Variants in IFT80 observed in about 807,000 individuals in gnomAD.
IFT80 encodes intraflagellar transport 80.
IFT80 carries 79 observed loss-of-function variants against 107.9 expected under a neutral mutation model. The observed-to-expected ratio is 0.73, with a 90% CI of 0.61 to 0.88. The LOEUF (loss-of-function observed/expected upper bound fraction) is 0.88. Ranked by LOEUF, IFT80 falls within the 40% of genes least tolerant of loss-of-function variation. The probability of loss-of-function intolerance (pLI) is 0.00; values close to 1 mark genes in which losing one functional copy is unlikely to be tolerated. For synonymous variants in IFT80, 299 were observed against 300.9 expected, an observed-to-expected ratio of 0.99 and a Z score of 0.07; for missense variants, 797 against 914.2, an observed-to-expected ratio of 0.87 and a Z score of 1.65.
At chr3:160,309,768 G>A (rs933485140) in intron 9 of IFT80, among the ~76,000 whole-genome samples, 1 of 151,586 alleles carries the variant, frequency 6.6e-6, no homozygotes. Context: ...GAAGATATAT[G>A]GATTTGCTCA....
intron 9 of IFT80, among the ~76,000 whole-genome samples, chr3:160,318,407 A>G (rs1263603506): frequency 6.6e-6 from 1 of 152,108 alleles, no homozygotes; most frequent in Non-Finnish European, 1.5e-5. Flanking sequence ...AATACTGAAG[A>G]TAGAGGCAAT....
At chr3:160,272,284 T>C (rs1713871124) in intron 18 of IFT80, among the ~76,000 whole-genome samples, 1 of 152,070 alleles carries the variant, frequency 6.6e-6, no homozygotes, top group Non-Finnish European at 1.5e-5. Context: ...ACAGTGAATA[T>C]AATTACTGTT....
Position 160,373,337 on chromosome 3 carries a change from G to C in IFT80, c.439+2475C>G, listed in dbSNP as rs78124996. On this transcript the variant is annotated intron_variant, in intron 5 of 19. Transcript: ENST00000326448. ...CTTCCAACCAGCCTTTCCAAGTCTG[G>C]AGACTCTGAATGCATTTTCCCCATG... 8.3e-3 allele frequency among the ~76,000 whole-genome samples: 1,271 copies of C among 152,244 alleles called. 9 individuals carry two copies. Among genetic ancestry groups the C allele is most frequent in the Non-Finnish European group, 0.012 (787 of 68,022 alleles).
At chr3:160,336,544 A>C (rs967985743) in intron 8 of IFT80, among the ~76,000 whole-genome samples, 1 of 151,700 alleles carries the variant, frequency 6.6e-6, no homozygotes, top group Non-Finnish European at 1.5e-5. Flanking sequence ...ATAGATAACA[A>C]TTTTTTATTT....
chr3:160,279,259 AG>A lies in IFT80; in HGVS notation c.1769del (p.Ala590ValfsTer7), dbSNP rs769040891. The A allele has an allele frequency of 7.4e-6, 12 of 1,613,542 alleles. No homozygotes were observed. Among genetic ancestry groups the A allele is most frequent in the Non-Finnish European group, 1.0e-5 (12 of 1,179,500 alleles). Reference sequence around the variant, plus strand: ...AACTGCTTACATATTCATGGAGAATAGCAGGATATGGTGTTATGCTGATGTG... The same window carrying A: ...AACTGCTTACATATTCATGGAGAATACAGGATATGGTGTTATGCTGATGTG... ...LVHISITPYP[A>X]ILHEYVSSSK... is the part of the protein sequence containing the mutation. On this transcript the variant is annotated frameshift_variant, in exon 16 of 20. Transcript: ENST00000326448. LOFTEE classifies it high-confidence loss of function.
chr3:160,327,971 G>A (rs1718794706), intron 8 of IFT80, among the ~76,000 whole-genome samples: 1 of 151,972 alleles, frequency 6.6e-6, no homozygotes, highest in South Asian at 2.1e-4. Context: ...GCATCTATTA[G>A]GAACTTAAAC....
chr3:160,395,071 C>T (rs938984456), intron 1 of IFT80, among the ~76,000 whole-genome samples: 5 of 152,080 alleles, frequency 3.3e-5, no homozygotes, highest in Admixed American at 2.0e-4. Context: ...TTAATCTATC[C>T]ACTTATATAT....
At chr3:160,348,134 ATATT>A (rs1210948668) in intron 8 of IFT80, among the ~76,000 whole-genome samples, 3 of 152,048 alleles carry the variant, frequency 2.0e-5, no homozygotes, top group Non-Finnish European at 4.4e-5. Flanking sequence ...TCTTTATTTT[ATATT>A]TATTTATTAG....
chr3:160,371,013 T>C lies in IFT80; in HGVS notation c.439+4799A>G, dbSNP rs116612352. 2.4e-3 allele frequency among the ~76,000 whole-genome samples: 367 copies of C among 152,326 alleles called. 4 individuals carry two copies. The highest frequency in any genetic ancestry group is 8.5e-3 in the African/African-American group (352 of 41,564). Reference sequence around the variant, plus strand: ...TCTAAAAGATTGGCATTATCTTTACTTTCCTGGTCAATTTTTTAAAGGTTT... The same window carrying C: ...TCTAAAAGATTGGCATTATCTTTACCTTCCTGGTCAATTTTTTAAAGGTTT... On this transcript the variant is annotated intron_variant, in intron 5 of 19. Transcript: ENST00000326448.
chr3:160,291,153 CCT>C (rs1349169893), intron 12 of IFT80, among the ~76,000 whole-genome samples: 1 of 152,182 alleles, frequency 6.6e-6, no homozygotes, highest in African/African-American at 2.4e-5. Flanking sequence ...CCTATGAACA[CCT>C]CTCAGTGAAA....
chr3:160,275,516 T>C (rs1714192827), intron 18 of IFT80, among the ~76,000 whole-genome samples: 1 of 152,212 alleles, frequency 6.6e-6, no homozygotes, highest in Non-Finnish European at 1.5e-5. Context: ...TACCTTTACA[T>C]AGTAGGTAGT....
chr3:160,324,984 T>C (rs370556708), intron 8 of IFT80, among the ~76,000 whole-genome samples: 12 of 149,572 alleles, frequency 8.0e-5, no homozygotes, highest in African/African-American at 2.5e-4. Flanking sequence ...TATACACCAA[T>C]AACAGACAAA....
intron 13 of IFT80, 133 bp from the exon 14 acceptor site, chr3:160,282,746 C>T: frequency 1.5e-6 from 1 of 648,880 alleles, no homozygotes; most frequent in South Asian, 2.1e-5. Flanking sequence ...TAAAATGTCC[C>T]TGTTAAATAA....
At chr3:160,362,827 C>T (rs1366058080) in intron 6 of IFT80, among the ~76,000 whole-genome samples, 1 of 152,152 alleles carries the variant, frequency 6.6e-6, no homozygotes, top group Non-Finnish European at 1.5e-5. Flanking sequence ...GCCCTTCATG[C>T]TAAAAACTCT....
chr3:160,398,781 C>T (rs1298301026), intron 1 of IFT80, among the ~76,000 whole-genome samples: 1 of 152,140 alleles, frequency 6.6e-6, no homozygotes, highest in Non-Finnish European at 1.5e-5. Flanking sequence ...CGATAATTTC[C>T]TCATAAAAAT....
At chr3:160,373,052 T>C (rs1408768173) in intron 5 of IFT80, among the ~76,000 whole-genome samples, 2 of 152,126 alleles carry the variant, frequency 1.3e-5, no homozygotes, top group South Asian at 2.1e-4. Flanking sequence ...GCTTCATCAC[T>C]AGAATATCAA....
chr3:160,280,560 G>C (rs1714607140), intron 15 of IFT80, 107 bp downstream of exon 15: 2 of 883,924 alleles, frequency 2.3e-6, no homozygotes, highest in African/African-American at 1.7e-5. Flanking sequence ...CAATAAATCT[G>C]ACTGATGTGT....
intron 8 of IFT80, among the ~76,000 whole-genome samples, chr3:160,340,209 T>A (rs1031228542): frequency 5.3e-5 from 8 of 152,196 alleles, no homozygotes; most frequent in Admixed American, 2.0e-4. Context: ...TAATTTTTTT[T>A]ATCAGTAAGA....
At chr3:160,282,829 T>C (rs1047304088) in intron 13 of IFT80, among the ~76,000 whole-genome samples, 7 of 152,190 alleles carry the variant, frequency 4.6e-5, no homozygotes, top group African/African-American at 7.2e-5. Flanking sequence ...AAGGAAAAGA[T>C]ACCTCTTAAA....
Sources: gnomAD v4.1 joint callset for allele counts (sites outside exome capture counted in the v4.1 genomes callset) on GRCh38, gnomAD v4.1.1 for gene constraint, MANE v1.5 for transcripts, NCBI Gene and HGNC (gene_info 2026-07-23, HGNC 2026-07-21) for gene names.